The following CYFIP2 variants were observed in gnomAD, a reference collection of about 807,000 sequenced individuals.
CYFIP2 encodes cytoplasmic FMR1 interacting protein 2, also known as cytoplasmic FMR1-interacting protein 2.
A neutral mutation model predicts 158.7 loss-of-function variants in CYFIP2; 29 were observed. The ratio of observed to expected loss-of-function variants is 0.18; its 90% CI spans 0.14 to 0.25. CYFIP2 has a LOEUF of 0.25. Among genes scored for constraint, CYFIP2 ranks in the 10% least tolerant of loss-of-function variants. The pLI, the probability that CYFIP2 is intolerant of heterozygous loss-of-function variation, is 1.00. For synonymous variants in CYFIP2, 585 were observed against 617.6 expected, an observed-to-expected ratio of 0.95 and a Z score of 0.78; for missense variants, 852 against 1,639.5, an observed-to-expected ratio of 0.52 and a Z score of 8.29.
intron 3 of CYFIP2, 57 bp downstream of exon 3, chr5:157,287,165 G>A (rs138001953): frequency 1.2e-4 from 169 of 1,436,270 alleles, no homozygotes; most frequent in East Asian, 4.2e-4. Flanking sequence ...GGCAGGGGCC[G>A]CGGGCAGCTT....
At position 157,296,655 on chromosome 5, in the gene CYFIP2, C is replaced by T. The variant is rs1035397018; in HGVS notation, c.286-18C>T. On this transcript the variant is annotated intron_variant, in intron 4 of 30. Coordinates refer to ENST00000620254, the MANE Select transcript of CYFIP2 (RefSeq NM_001037333.3). The stretch of plus-strand genomic sequence containing the variant: ...CAGGTGTAAACCAGGATGTGTGTGT[C>T]CCCATTATCCCCCACAGGTGAAATG... The T allele has an allele frequency of 1.9e-6, 3 of 1,604,700 alleles. No individual in the cohort carries two copies. The highest frequency in any genetic ancestry group is 2.2e-5 in the East Asian group (1 of 44,796).
At chr5:157,304,874 T>C (rs1234041295) in intron 8 of CYFIP2, 1 of 152,898 alleles carries the variant, frequency 6.5e-6, no homozygotes, top group African/African-American at 2.4e-5. Context: ...CCAAGCAGTG[T>C]ATGCTGTACT....
intron 23 of CYFIP2, among the ~76,000 whole-genome samples, chr5:157,356,079 A>T (rs1367902905): frequency 6.6e-6 from 1 of 152,226 alleles, no homozygotes; most frequent in Non-Finnish European, 1.5e-5. Flanking sequence ...TTGTCAGTTC[A>T]GCCTGCTATA....
rs755061094 is a variant in CYFIP2 at position 157,328,193 on chromosome 5, G to C, written c.2156+144G>C. On this transcript the variant is annotated intron_variant, in intron 19 of 30. Transcript: ENST00000620254. ...CGGACCCGGACTGGGTGCTGAGATA[G>C]AGTGGAAAGGAAACTAGGCAGATAA... 16 of 735,078 alleles carry C rather than the reference G, an allele frequency of 2.2e-5. No individual in the cohort carries two copies. In the Admixed American group the frequency reaches 4.3e-4, roughly 20 times the overall value. The allele number at this position is 735,078 out of a possible 1,614,324, so 45.5% of individuals were successfully genotyped here.
intron 26 of CYFIP2, chr5:157,376,786 G>C (rs1014734440): frequency 2.4e-6 from 1 of 419,688 alleles, no homozygotes; most frequent in African/African-American, 2.1e-5. Context: ...TTTCCCCTGG[G>C]GTCAGCCTCC....
Position 157,361,426 on chromosome 5 carries a change from G to T in CYFIP2, c.2909-42G>T, listed in dbSNP as rs765621948. On this transcript the variant is annotated intron_variant, in intron 25 of 30. Transcript: ENST00000620254. The surrounding 1 kb of genome is among the most constrained non-coding windows in gnomAD (Gnocchi z 4.4). ...CATTGTTTCCCATAGACCCTACTGA[G>T]CAGTGTCAACTTCCCACTGACCACC... The T allele has an allele frequency of 5.0e-6, 8 of 1,612,418 alleles. No homozygotes were observed. The highest frequency in any genetic ancestry group is 6.8e-6 in the Non-Finnish European group (8 of 1,179,360).
rs1321676107 is a variant in CYFIP2, at chr5:157,361,815, T to TATGG, written c.3039+219_3039+222dup. On this transcript the variant is annotated intron_variant, in intron 26 of 30. Transcript: ENST00000620254. The surrounding 1 kb of genome is among the most constrained non-coding windows in gnomAD (Gnocchi z 4.4). ...GTCTCAGTTTGCCATTCCCTCATGTTATGGAACCAAACTGGGGTCCACCTG... is the reference window on the plus strand; with the variant it reads ...GTCTCAGTTTGCCATTCCCTCATGTTATGGATGGAACCAAACTGGGGTCCACCTG... Among the ~76,000 whole-genome samples, 1 of 152,174 alleles carries TATGG rather than the reference T, an allele frequency of 6.6e-6. No homozygotes were observed. Among genetic ancestry groups the TATGG allele is most frequent in the Admixed American group, 6.5e-5 (1 of 15,282 alleles).
At chr5:157,297,843 G>A (rs1223026496) in intron 5 of CYFIP2, among the ~76,000 whole-genome samples, 1 of 152,186 alleles carries the variant, frequency 6.6e-6, no homozygotes, top group African/African-American at 2.4e-5. Flanking sequence ...AAAATAAAAC[G>A]AGACAACATG....
intron 13 of CYFIP2, among the ~76,000 whole-genome samples, 186 bp downstream of exon 13, chr5:157,315,280 T>C (rs1002870868): frequency 1.3e-5 from 2 of 152,006 alleles, no homozygotes; most frequent in African/African-American, 2.4e-5. Flanking sequence ...CTCATTCTGT[T>C]CTTAAAAATC....
At chr5:157,325,903 T>C in intron 17 of CYFIP2, 1 of 538,148 alleles carries the variant, frequency 1.9e-6, no homozygotes, top group Non-Finnish European at 3.3e-6. Flanking sequence ...CAGGAGCAGG[T>C]AGCTTGTATT....
intron 1 of CYFIP2, among the ~76,000 whole-genome samples, chr5:157,280,514 A>G (rs1344879775): frequency 1.3e-5 from 2 of 151,970 alleles, no homozygotes; most frequent in Non-Finnish European, 2.9e-5. Flanking sequence ...GTGAGCCACC[A>G]CACCCGTCTG....
At chr5:157,309,476 G>A (rs922127288) in intron 9 of CYFIP2, among the ~76,000 whole-genome samples, 1 of 152,212 alleles carries the variant, frequency 6.6e-6, no homozygotes, top group Non-Finnish European at 1.5e-5. Flanking sequence ...CACACATGCT[G>A]TTGGCTAAGT....
At chr5:157,357,439 A>G (rs1763486957) in intron 23 of CYFIP2, among the ~76,000 whole-genome samples, 1 of 152,220 alleles carries the variant, frequency 6.6e-6, no homozygotes, top group South Asian at 2.1e-4. Flanking sequence ...GCTAATAGAG[A>G]ATTTCAGTGA....
rs139439853 is a variant in CYFIP2 at position 157,338,372 on chromosome 5, A to G, written c.2386-685A>G. ...CAAGGGGCCTACACTCCAAAGGATG[A>G]GGCATTCTGCTCCCACCTCTTTTTA... On this transcript the variant is annotated intron_variant, in intron 21 of 30. Transcript: ENST00000620254. Among the ~76,000 whole-genome samples the G allele has an allele frequency of 3.9e-5, 6 of 152,352 alleles. No individual in the cohort carries two copies. In the East Asian group the frequency reaches 1.2e-3, roughly 29 times the overall value.
chr5:157,333,659 C>T lies in CYFIP2; in HGVS notation c.2385+213C>T, dbSNP rs573668557. ...GGGAACGATAGCATGGAGGGGGTCT[C>T]CTTGAGATTTCTAGAGATGGCCAAC... On this transcript the variant is annotated intron_variant, in intron 21 of 30. Coordinates refer to ENST00000620254, the MANE Select transcript of CYFIP2 (RefSeq NM_001037333.3). Among the ~76,000 whole-genome samples, 14 of 152,254 alleles carry T rather than the reference C, an allele frequency of 9.2e-5. No individual in the cohort carries two copies. In the East Asian group the frequency reaches 2.7e-3, roughly 29 times the overall value.
intron 2 of CYFIP2, 149 bp downstream of exon 2, chr5:157,285,627 G>A (rs1313423901): frequency 6.8e-5 from 45 of 658,742 alleles, no homozygotes; most frequent in Non-Finnish European, 1.0e-4. Flanking sequence ...TGGTAGAGCC[G>A]AGTATAAGGA....
chr5:157,320,839 CAG>C (rs1760536251), intron 15 of CYFIP2, 37 bp downstream of exon 15: 4 of 1,505,396 alleles, frequency 2.7e-6, no homozygotes, highest in East Asian at 2.4e-5. Context: ...TGCGTTGACT[CAG>C]AGGCCAGCCG....
At chr5:157,380,538 C>T (rs1408341670) in intron 26 of CYFIP2, among the ~76,000 whole-genome samples, 1 of 152,202 alleles carries the variant, frequency 6.6e-6, no homozygotes, top group African/African-American at 2.4e-5. Flanking sequence ...CCAAAAAATA[C>T]AAACAAGGGG....
At chr5:157,282,332 A>G (rs62383006) in intron 1 of CYFIP2, among the ~76,000 whole-genome samples, 16,823 of 151,986 alleles carry the variant, frequency 0.11, 1,349 homozygotes, top group East Asian at 0.26. Flanking sequence ...ACACTTTTAA[A>G]ATGACCAGAT....
Sources: gnomAD v4.1 joint callset for allele counts (sites outside exome capture counted in the v4.1 genomes callset) on GRCh38, gnomAD v4.1.1 for gene constraint, Gnocchi (gnomAD v3.1) non-coding constraint, MANE v1.5 for transcripts, NCBI Gene and HGNC (gene_info 2026-07-23, HGNC 2026-07-21) for gene names.